Variants in ZNF229 observed in about 807,000 individuals in gnomAD.
ZNF229 encodes zinc finger protein 229.
Under a neutral mutation model 11.8 loss-of-function variants are expected in ZNF229, and 10 were observed. The ratio of observed to expected loss-of-function variants is 0.85; its 90% CI spans 0.52 to 1.44. The LOEUF (loss-of-function observed/expected upper bound fraction) is 1.44, where lower values mean the gene tolerates loss of function less well. Ranked by LOEUF, ZNF229 falls within the 40% of genes most tolerant of loss-of-function variation. The pLI is 0.00. For synonymous variants in ZNF229, 368 were observed against 374.8 expected, an observed-to-expected ratio of 0.98 and a Z score of 0.21; for missense variants, 1,045 against 1,015.1, an observed-to-expected ratio of 1.03 and a Z score of -0.40.
At chr19:44,432,784 T>C (rs1469393816) in intron 4 of ZNF229, among the ~76,000 whole-genome samples, 4 of 151,920 alleles carry the variant, frequency 2.6e-5, no homozygotes, top group African/African-American at 9.7e-5. Flanking sequence ...GGCACATGTA[T>C]ACATATGTAA....
chr19:44,440,596 A>G lies in ZNF229; in HGVS notation c.93+1967T>C, dbSNP rs142662640. On this transcript the variant is annotated intron_variant, in intron 4 of 5. Coordinates refer to ENST00000614049, the MANE Select transcript of ZNF229 (RefSeq NM_014518.4). ...TTAGCTCACCAGAAGGTGAATGGAG[A>G]AGCCACAATACAAAGTCCTACACAA... Among the ~76,000 whole-genome samples, 1,237 of 152,326 alleles carry G rather than the reference A, an allele frequency of 8.1e-3. 16 individuals are homozygous for G. Among genetic ancestry groups the G allele is most frequent in the Middle Eastern group, 0.024 (7 of 294 alleles).
intron 4 of ZNF229, among the ~76,000 whole-genome samples, chr19:44,439,171 A>G (rs1971865174): frequency 6.6e-6 from 1 of 152,176 alleles, no homozygotes; most frequent in African/African-American, 2.4e-5. Flanking sequence ...GGAGAAACCC[A>G]CACACATTTG....
At chr19:44,437,322 T>A (rs1169061047) in intron 4 of ZNF229, among the ~76,000 whole-genome samples, 1 of 152,088 alleles carries the variant, frequency 6.6e-6, no homozygotes, top group Non-Finnish European at 1.5e-5. Flanking sequence ...ACAGTTACCA[T>A]TAAGAAAGTA....
chr19:44,428,269 GCTCTGAGTCCCAGATGGAATC>G lies in ZNF229; in HGVS notation c.*13_*33del, dbSNP rs538346260. On this transcript the variant is annotated 3_prime_UTR_variant, in exon 6 of 6. Coordinates refer to ENST00000614049, the MANE Select transcript of ZNF229 (RefSeq NM_014518.4). ...GTGTTGGCTCTCAGATGGATAGAAA[GCTCTGAGTCCCAGATGGAATC>G]CTCTATGTACATCTACTTATAAGGG... is the stretch of plus-strand genomic sequence containing the variant. 1.5e-4 allele frequency: 232 copies of G among 1,556,054 alleles called. 2 individuals are homozygous for G. In the South Asian group the frequency reaches 2.4e-3, roughly 16 times the overall value.
rs1971931847 is a variant in ZNF229, at chr19:44,442,585, C to T, written c.71G>A (p.Arg24Lys). 6.2e-7 allele frequency: 1 copy of T among 1,613,938 alleles called. No individual in the cohort carries two copies. Among genetic ancestry groups the T allele is most frequent in the South Asian group, 1.1e-5 (1 of 91,074 alleles). The change falls in exon 4 of 6, where the codon AGG (arginine) becomes AAG (lysine). Residue 24 changes from arginine (R) to lysine (K), a missense_variant. Arg to Lys is a conservative substitution (Grantham distance 26). Coordinates refer to ENST00000614049, the MANE Select transcript of ZNF229 (RefSeq NM_014518.4). ...HSQASAISQDREEKIMSQEPL... is the reference protein window; with the variant it reads ...HSQASAISQDKEEKIMSQEPL... Reference sequence around the variant, plus strand: ...CACCTGAGACATGATCTTCTCCTCCCTATCTTGGGAAATGGCTGAGGCTTG... The same window carrying T: ...CACCTGAGACATGATCTTCTCCTCCTTATCTTGGGAAATGGCTGAGGCTTG...
rs964951955 is a variant in ZNF229 at position 44,426,856 on chromosome 19, A to G, written c.*1447T>C. On this transcript the variant is annotated 3_prime_UTR_variant, in exon 6 of 6. Transcript: ENST00000614049. The stretch of plus-strand genomic sequence containing the variant: ...AATGCACGGATTTTCTCTCTCACCA[A>G]TAAGTACATAAGACTTATTACGTCC... 1.3e-5 allele frequency: 2 copies of G among 152,128 alleles called. No homozygotes were observed. Among genetic ancestry groups the G allele is most frequent in the African/African-American group, 2.4e-5 (1 of 41,392 alleles). 9.4% of individuals were successfully genotyped at this position (152,128 alleles called of 1,614,324 possible).
At chr19:44,443,262 C>T (rs1286684445) in intron 2 of ZNF229, among the ~76,000 whole-genome samples, 2 of 152,150 alleles carry the variant, frequency 1.3e-5, no homozygotes, top group Non-Finnish European at 2.9e-5. Context: ...CTCAGTAAGG[C>T]ACAGGGCCCC....
At position 44,430,123 on chromosome 19, in the gene ZNF229, C is replaced by A. The variant is rs2123340431; in HGVS notation, c.658G>T (p.Asp220Tyr). The change falls in exon 6 of 6, where the codon GAC becomes TAC. Residue 220 changes from aspartate (D) to tyrosine (Y), a missense_variant. Transcript: ENST00000614049. ...DTVYKCNWDDDSFCWISCHVD... is the reference protein window; with the variant it reads ...DTVYKCNWDDYSFCWISCHVD... ...TGACAAGATATCCAGCAAAAGCTGT[C>A]ATCATCCCAGTTACATTTATATACT... 1.9e-6 allele frequency: 3 copies of A among 1,614,142 alleles called. No individual in the cohort carries two copies. In the East Asian group the frequency reaches 6.7e-5, roughly 36 times the overall value.
At position 44,430,481 on chromosome 19, in the gene ZNF229, G is replaced by T. The variant is rs578099653; in HGVS notation, c.300C>A (p.His100Gln). The part of the protein sequence containing the change: ...IQDEELRFFS[H>Q]KELSSCKIWE... ...AGATTTTGCATGAGGAGAGCTCTTT[G>T]TGTGAAAAGAACCTTAATTCTTCAT... The change falls in exon 6 of 6, where the codon CAC (histidine) becomes CAA (glutamine). Residue 100 changes from histidine to glutamine, a missense_variant. By Grantham distance (24) the His-to-Gln change is conservative. Coordinates refer to ENST00000614049, the MANE Select transcript of ZNF229 (RefSeq NM_014518.4). 5 of 1,614,078 alleles carry T rather than the reference G, an allele frequency of 3.1e-6. No homozygotes were observed. The African/African-American group carries it at 6.7e-5, about 22-fold the overall frequency.
chr19:44,428,427 A>C lies in ZNF229; in HGVS notation c.2354T>G (p.Val785Gly). Residue 785 changes from valine to glycine, a missense_variant, in exon 6 of 6, where the codon GTT (valine) becomes GGT (glycine). By Grantham distance (109) the Val-to-Gly change is moderately radical. Coordinates refer to ENST00000614049, the MANE Select transcript of ZNF229 (RefSeq NM_014518.4). Reference protein sequence around the residue: ...KGFGRNSCLHVHQRVHTGEKP... With the variant: ...KGFGRNSCLHGHQRVHTGEKP... ...CTCTCCAGTGTGGACTCTCTGATGA[A>C]CATGAAGACAGGAGTTGCGGCCAAA... is the stretch of plus-strand genomic sequence containing the variant. The C allele has an allele frequency of 6.2e-7, 1 of 1,613,716 alleles. No homozygotes were observed. The highest frequency in any genetic ancestry group is 8.5e-7 in the Non-Finnish European group (1 of 1,179,934).
At position 44,428,271 on chromosome 19, in the gene ZNF229, T is replaced by G. The variant is rs1971615562; in HGVS notation, c.*32A>C. On this transcript the variant is annotated 3_prime_UTR_variant, in exon 6 of 6. Transcript: ENST00000614049. ...GTTGGCTCTCAGATGGATAGAAAGC[T>G]CTGAGTCCCAGATGGAATCCTCTAT... The G allele has an allele frequency of 6.4e-7, 1 of 1,559,062 alleles. No individual in the cohort carries two copies. The highest frequency in any genetic ancestry group is 8.7e-7 in the Non-Finnish European group (1 of 1,150,916).
At chr19:44,434,723 T>A (rs534633883) in intron 4 of ZNF229, among the ~76,000 whole-genome samples, 1 of 152,240 alleles carries the variant, frequency 6.6e-6, no homozygotes, top group African/African-American at 2.4e-5. Context: ...AAGAATGAGA[T>A]GAATGCTTTC....
chr19:44,433,894 G>C (rs534153606), intron 4 of ZNF229, among the ~76,000 whole-genome samples: 1 of 152,236 alleles, frequency 6.6e-6, no homozygotes, highest in Admixed American at 6.5e-5. Context: ...AGCCTCCTGA[G>C]TAGCTGGGAC....
At position 44,429,057 on chromosome 19, in the gene ZNF229, C is replaced by A; in HGVS notation, c.1724G>T (p.Ser575Ile). ...CCGCCGGAAGCCCTTCCCACACTCA[C>A]TGCATTTATAGGGTTTCTCTCCTGT... ...VHTGEKPYKC[S>I]ECGKGFRRNS... The change falls in exon 6 of 6, where the codon AGT (serine) becomes ATT (isoleucine). Residue 575 changes from serine to isoleucine, a missense_variant. By Grantham distance (142) the Ser-to-Ile change is moderately radical. Transcript: ENST00000614049. The A allele has an allele frequency of 6.2e-7, 1 of 1,613,216 alleles. No individual in the cohort carries two copies. Among genetic ancestry groups the A allele is most frequent in the South Asian group, 1.1e-5 (1 of 91,028 alleles).
intron 2 of ZNF229, among the ~76,000 whole-genome samples, chr19:44,444,836 T>C (rs1256662773): frequency 6.6e-6 from 1 of 152,166 alleles, no homozygotes; most frequent in East Asian, 1.9e-4. Context: ...AGACTTCCGG[T>C]GGGTAAAAAT....
chr19:44,429,114 C>G lies in ZNF229; in HGVS notation c.1667G>C (p.Ser556Thr). Residue 556 changes from serine (S) to threonine (T), a missense_variant, in exon 6 of 6, where the codon AGC (serine) becomes ACC (threonine). By Grantham distance (58) the Ser-to-Thr change is moderately conservative (BLOSUM62 1). Transcript: ENST00000614049. ...KCECGKSFGR[S>T]SDLHIHQRVH... ...CCTCTGATGGATGTGGAGGTCGGAG[C>G]TCCGGCCAAAGCTCTTCCCGCACTC... The G allele has an allele frequency of 1.9e-6, 3 of 1,612,864 alleles. No homozygotes were observed. Among genetic ancestry groups the G allele is most frequent in the Non-Finnish European group, 2.5e-6 (3 of 1,179,550 alleles).
intron 4 of ZNF229, among the ~76,000 whole-genome samples, chr19:44,439,335 G>T (rs530227760): frequency 6.6e-6 from 1 of 152,108 alleles, no homozygotes; most frequent in Non-Finnish European, 1.5e-5. Context: ...TAAAGAACAG[G>T]ATGCAAAAAT....
chr19:44,430,222 A>G lies in ZNF229; in HGVS notation c.559T>C (p.Ser187Pro), dbSNP rs1184269805. 9 of 1,613,990 alleles carry G rather than the reference A, an allele frequency of 5.6e-6. No individual in the cohort carries two copies. The Admixed American group carries it at 1.5e-4, about 27-fold the overall frequency. The part of the protein sequence containing the change: ...RAIRPIPIQG[S>P]WAKAFVNQLG... Reference sequence around the variant, plus strand: ...TGGTTCACAAACGCTTTTGCCCAAGATCCTTGAATGGGGATTGGTCTTATA... The same window carrying G: ...TGGTTCACAAACGCTTTTGCCCAAGGTCCTTGAATGGGGATTGGTCTTATA... Residue 187 changes from serine (S) to proline (P), a missense_variant, in exon 6 of 6, where the codon TCT becomes CCT. Ser to Pro is a moderately conservative substitution (Grantham distance 74). Coordinates refer to ENST00000614049, the MANE Select transcript of ZNF229 (RefSeq NM_014518.4).
Position 44,439,979 on chromosome 19 carries a change from A to G in ZNF229, c.93+2584T>C, listed in dbSNP as rs532872728. Among the ~76,000 whole-genome samples, 3 of 152,312 alleles carry G rather than the reference A, an allele frequency of 2.0e-5. No homozygotes were observed. In the South Asian group the frequency reaches 6.2e-4, roughly 32 times the overall value. On this transcript the variant is annotated intron_variant, in intron 4 of 5. Coordinates refer to ENST00000614049, the MANE Select transcript of ZNF229 (RefSeq NM_014518.4). The stretch of plus-strand genomic sequence containing the variant: ...GGCTGAGCTACAGAGGTTTAATACT[A>G]TGAGTGAGTATGGCAGACAACCCAA...
Sources: gnomAD v4.1 joint callset for allele counts (sites outside exome capture counted in the v4.1 genomes callset) on GRCh38, gnomAD v4.1.1 for gene constraint, MANE v1.5 for transcripts, NCBI Gene and HGNC (gene_info 2026-07-23, HGNC 2026-07-21) for gene names.